Variants in CDH12 observed in about 807,000 individuals in gnomAD.
The protein encoded by CDH12 is cadherin 12.
In CDH12, 41 loss-of-function variants were observed where a neutral mutation model predicts 74.1. The ratio of observed to expected loss-of-function variants is 0.55; its 90% CI spans 0.43 to 0.72. The LOEUF (loss-of-function observed/expected upper bound fraction) is 0.72. Among genes scored for constraint, CDH12 ranks in the 30% least tolerant of loss-of-function variants. The probability of loss-of-function intolerance (pLI) is 0.00; values close to 1 mark genes in which losing one functional copy is unlikely to be tolerated. For synonymous variants in CDH12, 399 were observed against 355.0 expected (o/e 1.12, Z -1.39); for missense variants, 945 against 977.2 (o/e 0.97, Z 0.44).
At chr5:22,306,136 C>T (rs1738099096) in intron 3 of CDH12, among the ~76,000 whole-genome samples, 1 of 151,980 alleles carries the variant, frequency 6.6e-6, no homozygotes, top group Non-Finnish European at 1.5e-5. Context: ...TTTCTTTTGC[C>T]CCCCTCTACT....
Position 22,110,553 on chromosome 5 carries a change from C to T in CDH12, c.-186-31691G>A, listed in dbSNP as rs141535444. ...TCATAGGGTTGTGGGAAATGGTCCT[C>T]CTGTGCTCTTCCTTGCTTCTAGGTG... On this transcript the variant is annotated intron_variant, in intron 4 of 14. Transcript: ENST00000382254. Among the ~76,000 whole-genome samples, 741 of 152,006 alleles carry T rather than the reference C, an allele frequency of 4.9e-3. 3 individuals are homozygous for T. Among genetic ancestry groups the T allele is most frequent in the Non-Finnish European group, 7.1e-3 (480 of 67,956 alleles).
chr5:21,913,647 A>G (rs1264046232), intron 6 of CDH12, among the ~76,000 whole-genome samples: 1 of 152,116 alleles, frequency 6.6e-6, no homozygotes, highest in Non-Finnish European at 1.5e-5. Flanking sequence ...GACTAGAGAC[A>G]TTATTTCATA....
intron 8 of CDH12, among the ~76,000 whole-genome samples, chr5:21,836,220 T>G (rs1282278772): frequency 1.3e-5 from 2 of 151,766 alleles, no homozygotes; most frequent in African/African-American, 2.4e-5. Context: ...TATTCTGCAA[T>G]TATTGTGTAA....
chr5:22,705,552 A>C (rs1434411229), intron 1 of CDH12, among the ~76,000 whole-genome samples: 1 of 149,016 alleles, frequency 6.7e-6, no homozygotes, highest in Non-Finnish European at 1.5e-5. Flanking sequence ...TGCACCATTT[A>C]GGCACATATG....
At chr5:22,796,425 GTTA>G (rs1384291527) in intron 1 of CDH12, among the ~76,000 whole-genome samples, 1 of 150,770 alleles carries the variant, frequency 6.6e-6, no homozygotes, top group African/African-American at 2.4e-5. Context: ...TTGCATTTCA[GTTA>G]TTAGTAGGAT....
intron 1 of CDH12, among the ~76,000 whole-genome samples, chr5:22,729,974 G>A (rs772797996): frequency 6.6e-6 from 1 of 151,800 alleles, no homozygotes; most frequent in Non-Finnish European, 1.5e-5. Flanking sequence ...TACAGTAAAT[G>A]TAAGTTTTCA....
chr5:22,262,970 T>C (rs995137937), intron 3 of CDH12, among the ~76,000 whole-genome samples: 2 of 151,240 alleles, frequency 1.3e-5, no homozygotes, highest in Admixed American at 1.3e-4. Flanking sequence ...GAATCTACAA[T>C]GAACTCAAAC....
intron 3 of CDH12, among the ~76,000 whole-genome samples, chr5:22,275,774 A>G (rs1736607348): frequency 6.6e-6 from 1 of 152,198 alleles, no homozygotes. Flanking sequence ...TATACATATC[A>G]GATTCCTGGG....
chr5:21,879,613 A>T (rs995019789), intron 6 of CDH12, among the ~76,000 whole-genome samples: 4 of 152,326 alleles, frequency 2.6e-5, no homozygotes, highest in Non-Finnish European at 5.9e-5. Context: ...AAGTATTTTT[A>T]AAAATATTTT....
At chr5:22,655,936 A>T (rs188280333) in intron 1 of CDH12, among the ~76,000 whole-genome samples, 25 of 152,336 alleles carry the variant, frequency 1.6e-4, no homozygotes, top group Admixed American at 1.1e-3. Flanking sequence ...ATGGAGACAC[A>T]GAGCATCACT....
intron 3 of CDH12, among the ~76,000 whole-genome samples, chr5:22,389,799 C>G (rs1382617981): frequency 1.3e-5 from 2 of 151,650 alleles, no homozygotes; most frequent in Non-Finnish European, 2.9e-5. Context: ...AGGCGCCCAC[C>G]ACCACGCCCG....
intron 1 of CDH12, among the ~76,000 whole-genome samples, chr5:22,592,610 G>A (rs1263505314): frequency 6.6e-6 from 1 of 151,422 alleles, no homozygotes; most frequent in Non-Finnish European, 1.5e-5. Context: ...CCTTCCTTTA[G>A]TATCGCCAGG....
intron 1 of CDH12, among the ~76,000 whole-genome samples, chr5:22,595,416 G>A (rs1384673734): frequency 6.6e-6 from 1 of 152,070 alleles, no homozygotes; most frequent in African/African-American, 2.4e-5. Context: ...TACAAAAATT[G>A]ATATGCAAGG....
At chr5:22,508,742 A>T (rs1736493691) in intron 1 of CDH12, among the ~76,000 whole-genome samples, 1 of 152,114 alleles carries the variant, frequency 6.6e-6, no homozygotes, top group Non-Finnish European at 1.5e-5. Context: ...TACAGCCTGG[A>T]AACCACCCCC....
At chr5:22,395,964 C>G (rs1344702801) in intron 3 of CDH12, among the ~76,000 whole-genome samples, 2 of 152,074 alleles carry the variant, frequency 1.3e-5, no homozygotes, top group Non-Finnish European at 2.9e-5. Context: ...AACCTCATTC[C>G]TTGCCTCCTG....
chr5:21,938,198 G>A (rs1294840894), intron 6 of CDH12, among the ~76,000 whole-genome samples: 1 of 151,884 alleles, frequency 6.6e-6, no homozygotes, highest in Non-Finnish European at 1.5e-5. Flanking sequence ...TCTCTCTCCA[G>A]AGTAGTTAAG....
chr5:21,805,056 T>C (rs1747356097), intron 9 of CDH12, among the ~76,000 whole-genome samples: 1 of 152,114 alleles, frequency 6.6e-6, no homozygotes, highest in Non-Finnish European at 1.5e-5. Context: ...ACTACTTTGA[T>C]TTTTATCACC....
chr5:21,961,130 G>T (rs1156905681), intron 6 of CDH12, among the ~76,000 whole-genome samples: 1 of 151,908 alleles, frequency 6.6e-6, no homozygotes, highest in African/African-American at 2.4e-5. Flanking sequence ...ATTTTGAGCC[G>T]ATGATTAAAA....
chr5:22,420,967 C>A (rs1057299303), intron 2 of CDH12, among the ~76,000 whole-genome samples: 2 of 152,062 alleles, frequency 1.3e-5, no homozygotes, highest in African/African-American at 4.8e-5. Flanking sequence ...AATGAGAGTT[C>A]ATTCATGATT....
Sources: allele counts gnomAD v4.1 joint callset (sites outside exome capture counted in the v4.1 genomes callset), GRCh38; gene constraint gnomAD v4.1.1; transcripts MANE v1.5; gene names NCBI Gene and HGNC (gene_info 2026-07-23, HGNC 2026-07-21).